CRYL1: variants seen among roughly 807,000 people sequenced by gnomAD.
The protein encoded by CRYL1 is crystallin lambda 1.
A neutral mutation model predicts 36.6 loss-of-function variants in CRYL1; 29 were observed. The observed-to-expected ratio is 0.79, with a 90% CI of 0.59 to 1.08. The LOEUF is 1.08. CRYL1 is among the 50% of genes least tolerant of loss of function. The pLI is 0.00. For synonymous variants in CRYL1, 152 were observed against 151.5 expected, an observed-to-expected ratio of 1.00 and a Z score of -0.02; for missense variants, 411 against 407.9, an observed-to-expected ratio of 1.01 and a Z score of -0.06.
intron 4 of CRYL1, among the ~76,000 whole-genome samples, chr13:20,434,328 A>G (rs1233937945): frequency 6.6e-6 from 1 of 152,220 alleles, no homozygotes; most frequent in African/African-American, 2.4e-5. Flanking sequence ...ATTGTAAAAT[A>G]CACCAATCAG....
chr13:20,429,151 A>G (rs1346808861), intron 5 of CRYL1, among the ~76,000 whole-genome samples: 1 of 152,182 alleles, frequency 6.6e-6, no homozygotes, highest in African/African-American at 2.4e-5. Flanking sequence ...CTCACTGAGG[A>G]GAAGCTCTGC....
At chr13:20,416,921 T>C (rs1249068448) in intron 5 of CRYL1, among the ~76,000 whole-genome samples, 2 of 152,176 alleles carry the variant, frequency 1.3e-5, no homozygotes, top group Non-Finnish European at 2.9e-5. Context: ...AGGAGGGCTG[T>C]GGGTCTTCCA....
intron 2 of CRYL1, among the ~76,000 whole-genome samples, chr13:20,501,304 A>G (rs2033699465): frequency 6.6e-6 from 1 of 152,158 alleles, no homozygotes; most frequent in Non-Finnish European, 1.5e-5. Flanking sequence ...TGAGTGAGTT[A>G]CCCAGCTATG....
intron 5 of CRYL1, among the ~76,000 whole-genome samples, chr13:20,420,228 C>T (rs374764153): frequency 1.3e-5 from 2 of 152,324 alleles, no homozygotes; most frequent in East Asian, 1.9e-4. Flanking sequence ...TCCAAGAGGA[C>T]GCGCAGGAGT....
At position 20,413,279 on chromosome 13, in the gene CRYL1, T is replaced by A. The variant is rs370770284; in HGVS notation, c.739+3A>T. 1.6e-5 allele frequency: 26 copies of A among 1,584,438 alleles called. No homozygotes were observed. Among genetic ancestry groups the A allele is most frequent in the Admixed American group, 3.4e-5 (2 of 58,926 alleles). On this transcript the variant is annotated splice_donor_region_variant and intron_variant, in intron 6 of 7. Coordinates refer to ENST00000298248, the MANE Select transcript of CRYL1 (RefSeq NM_015974.3). The stretch of plus-strand genomic sequence containing the variant: ...AATTCCCATCCTGGCCCCAGATGCA[T>A]ACCTTCTGCATTGAGATGCATGGTT...
intron 3 of CRYL1, among the ~76,000 whole-genome samples, chr13:20,445,862 T>C (rs1385130672): frequency 6.6e-6 from 1 of 152,198 alleles, no homozygotes; most frequent in Non-Finnish European, 1.5e-5. Context: ...CCTGGCATGG[T>C]TGTTGGGTTT....
intron 3 of CRYL1, among the ~76,000 whole-genome samples, chr13:20,453,979 C>A (rs538780772): frequency 6.6e-6 from 1 of 152,284 alleles, no homozygotes; most frequent in African/African-American, 2.4e-5. Flanking sequence ...CCTCATTAGT[C>A]TATTTATAGG....
At chr13:20,466,971 G>A (rs565086283) in intron 3 of CRYL1, among the ~76,000 whole-genome samples, 25 of 150,300 alleles carry the variant, frequency 1.7e-4, no homozygotes, top group Admixed American at 4.6e-4. Context: ...TTTCTGAGAC[G>A]GAGTCTCACT....
intron 6 of CRYL1, among the ~76,000 whole-genome samples, chr13:20,412,990 G>C (rs888104717): frequency 1.3e-5 from 2 of 152,146 alleles, no homozygotes; most frequent in Non-Finnish European, 2.9e-5. Context: ...CTTCTGCCAG[G>C]CTGGGTGACA....
chr13:20,518,180 T>C (rs994787904), intron 1 of CRYL1, among the ~76,000 whole-genome samples: 4 of 151,988 alleles, frequency 2.6e-5, no homozygotes, highest in Admixed American at 6.6e-5. Flanking sequence ...AAAGGGCACC[T>C]ACCATGTGCA....
chr13:20,458,017 A>G (rs1353650006), intron 3 of CRYL1, among the ~76,000 whole-genome samples: 1 of 152,188 alleles, frequency 6.6e-6, no homozygotes, highest in Non-Finnish European at 1.5e-5. Context: ...CTTTGCACAG[A>G]GTTATCAAAA....
In CRYL1 at chr13:20,435,708, C is replaced by A. The variant is rs2032196974; in HGVS notation, c.439-3412G>T. 1.3e-5 allele frequency among the ~76,000 whole-genome samples: 2 copies of A among 152,214 alleles called. No homozygotes were observed. Among genetic ancestry groups the A allele is most frequent in the South Asian group, 2.1e-4 (1 of 4,836 alleles). ...CGGCAGCGCAGCGCAGGGGCCTGGG[C>A]CTGCGCAGGCCGGCGGAGCACAAGG... On this transcript the variant is annotated intron_variant, in intron 4 of 7. Transcript: ENST00000298248. The surrounding 1 kb of genome is among the most constrained non-coding windows in gnomAD (Gnocchi z 4.0).
chr13:20,506,050 C>T (rs910882394), intron 2 of CRYL1, among the ~76,000 whole-genome samples: 6 of 152,052 alleles, frequency 3.9e-5, no homozygotes, highest in Non-Finnish European at 1.5e-5. Flanking sequence ...GAAGATCTTG[C>T]GATGTAAGAA....
At chr13:20,499,453 C>G (rs1014469190) in intron 2 of CRYL1, among the ~76,000 whole-genome samples, 5 of 151,164 alleles carry the variant, frequency 3.3e-5, no homozygotes, top group African/African-American at 1.2e-4. Context: ...TCGAGACTAT[C>G]CTGGCTAACA....
At chr13:20,413,430 G>A in intron 5 of CRYL1, 43 bp from the exon 6 acceptor site, 1 of 1,296,876 alleles carries the variant, frequency 7.7e-7, no homozygotes, top group Non-Finnish European at 1.1e-6. Flanking sequence ...TTTGTAAAAA[G>A]ACAATTTCAT....
chr13:20,471,837 C>T (rs908946271), intron 3 of CRYL1, among the ~76,000 whole-genome samples: 2 of 151,126 alleles, frequency 1.3e-5, no homozygotes, highest in East Asian at 1.9e-4. Flanking sequence ...CTCTCTTTTT[C>T]TCTCTCTCTC....
chr13:20,432,831 A>C (rs1008127789), intron 4 of CRYL1, among the ~76,000 whole-genome samples: 5 of 152,172 alleles, frequency 3.3e-5, no homozygotes, highest in Non-Finnish European at 7.4e-5. Flanking sequence ...CAGCCTAGGC[A>C]ACACAGCGAG....
At chr13:20,462,190 A>AGGGGG in intron 3 of CRYL1, among the ~76,000 whole-genome samples, 1 of 134,308 alleles carries the variant, frequency 7.4e-6, no homozygotes, top group Admixed American at 7.4e-5. Context: ...TAGTGGGAGG[A>AGGGGG]CGACCTAGTG....
chr13:20,450,763 C>G (rs1388408503), intron 3 of CRYL1, among the ~76,000 whole-genome samples: 4 of 152,140 alleles, frequency 2.6e-5, no homozygotes, highest in African/African-American at 9.7e-5. Flanking sequence ...CATGCACACA[C>G]ATGTTCATTG....
Sources: allele counts gnomAD v4.1 joint callset (sites outside exome capture counted in the v4.1 genomes callset), GRCh38; gene constraint gnomAD v4.1.1; non-coding constraint Gnocchi (gnomAD v3.1); transcripts MANE v1.5; gene names NCBI Gene and HGNC (gene_info 2026-07-23, HGNC 2026-07-21).